Variants in CEP128 observed in about 807,000 individuals in gnomAD.
CEP128 encodes the protein centrosomal protein 128kDa.
In CEP128, 132 loss-of-function variants were observed where a neutral mutation model predicts 156.7. That is an observed-to-expected ratio of 0.84 (90% CI 0.73 to 0.97). The LOEUF is 0.97. Ranked by LOEUF, CEP128 falls within the 50% of genes least tolerant of loss-of-function variation. CEP128 has a pLI of 0.00. For missense variants in CEP128, 1,252 were observed against 1,281.9 expected (o/e 0.98, Z 0.36); for synonymous variants, 469 against 448.9 (o/e 1.04, Z -0.57).
At position 80,840,785 on chromosome 14, in the gene CEP128, G is replaced by A. The variant is rs373997585; in HGVS notation, c.763-17C>T. The A allele has an allele frequency of 2.0e-5, 30 of 1,512,942 alleles. No homozygotes were observed. The African/African-American group carries it at 2.6e-4, about 13-fold the overall frequency. 93.7% of individuals were successfully genotyped at this position (1,512,942 alleles called of 1,614,324 possible). ...CTTTAGTGCCTGGAATGAAAGAGGT[G>A]GAAAAAAATTATCCCAAAATATGTA... On this transcript the variant is annotated splice_polypyrimidine_tract_variant and intron_variant, in intron 9 of 24. Coordinates refer to ENST00000555265, the MANE Select transcript of CEP128 (RefSeq NM_152446.5).
chr14:80,952,459 A>G (rs1385247109), intron 2 of CEP128, among the ~76,000 whole-genome samples: 1 of 152,162 alleles, frequency 6.6e-6, no homozygotes, highest in African/African-American at 2.4e-5. Context: ...ACTGAATACA[A>G]ATGAAATTAC....
intron 2 of CEP128, among the ~76,000 whole-genome samples, chr14:80,957,042 C>G (rs1188057927): frequency 2.6e-5 from 4 of 152,116 alleles, no homozygotes; most frequent in African/African-American, 9.7e-5. Context: ...CAAGTCTTTC[C>G]AACCTCATTG....
At chr14:80,907,778 C>T (rs1883973933) in intron 4 of CEP128, among the ~76,000 whole-genome samples, 1 of 151,586 alleles carries the variant, frequency 6.6e-6, no homozygotes, top group East Asian at 1.9e-4. Context: ...ATAAGTAGAC[C>T]AGAGGTCTTA....
intron 15 of CEP128, among the ~76,000 whole-genome samples, chr14:80,781,117 A>C (rs577040878): frequency 1.3e-5 from 2 of 152,354 alleles, no homozygotes; most frequent in African/African-American, 4.8e-5. Flanking sequence ...AGCAGTCAAA[A>C]GTATGCACAG....
intron 19 of CEP128, among the ~76,000 whole-genome samples, chr14:80,720,122 A>G (rs1041769886): frequency 6.6e-6 from 1 of 151,622 alleles, no homozygotes; most frequent in Non-Finnish European, 1.5e-5. Flanking sequence ...GGTAAACGAG[A>G]TGGGGGCAAA....
At chr14:80,520,417 T>TAAAA (rs1386111212) in intron 23 of CEP128, among the ~76,000 whole-genome samples, 1 of 106,708 alleles carries the variant, frequency 9.4e-6, no homozygotes, top group African/African-American at 2.8e-5. Flanking sequence ...AGATTCCATC[T>TAAAA]AAAAAAACAA....
intron 18 of CEP128, among the ~76,000 whole-genome samples, chr14:80,753,183 T>A (rs1899477360): frequency 6.6e-6 from 1 of 152,198 alleles, no homozygotes; most frequent in South Asian, 2.1e-4. Context: ...AAATATTTAT[T>A]GAACATTTAG....
chr14:80,537,175 T>A (rs1378470598), intron 21 of CEP128, among the ~76,000 whole-genome samples: 1 of 151,798 alleles, frequency 6.6e-6, no homozygotes, highest in African/African-American at 2.4e-5. Context: ...TTCACAGTAT[T>A]TTTTTTTAAG....
intron 2 of CEP128, among the ~76,000 whole-genome samples, chr14:80,933,559 G>A (rs1336013291): frequency 6.6e-6 from 1 of 152,176 alleles, no homozygotes; most frequent in Non-Finnish European, 1.5e-5. Flanking sequence ...GGGGTAGCTT[G>A]ATTTGACCTG....
At chr14:80,852,933 T>TA (rs953494707) in intron 9 of CEP128, among the ~76,000 whole-genome samples, 6 of 151,052 alleles carry the variant, frequency 4.0e-5, no homozygotes, top group African/African-American at 9.7e-5. Context: ...CAGCAATGTA[T>TA]AAAAAAAAAT....
chr14:80,652,799 G>C (rs1187863097), intron 19 of CEP128, among the ~76,000 whole-genome samples: 2 of 152,136 alleles, frequency 1.3e-5, no homozygotes, highest in Non-Finnish European at 2.9e-5. Flanking sequence ...CAAGGATCTA[G>C]AATTAGAAAT....
At chr14:80,654,575 A>G (rs1048033954) in intron 19 of CEP128, among the ~76,000 whole-genome samples, 3 of 152,148 alleles carry the variant, frequency 2.0e-5, no homozygotes, top group Non-Finnish European at 4.4e-5. Flanking sequence ...CACTTATTCA[A>G]TTCCTGTAGT....
intron 19 of CEP128, among the ~76,000 whole-genome samples, chr14:80,700,641 T>G (rs1897044665): frequency 6.6e-6 from 1 of 152,172 alleles, no homozygotes; most frequent in Admixed American, 6.5e-5. Context: ...TCATTCCAAC[T>G]ACCTATCTGA....
intron 19 of CEP128, among the ~76,000 whole-genome samples, chr14:80,611,310 A>C (rs1291759941): frequency 6.6e-6 from 1 of 151,846 alleles, no homozygotes; most frequent in Non-Finnish European, 1.5e-5. Flanking sequence ...CAAACTAGAT[A>C]CCAGCATCAA....
chr14:80,785,028 T>C lies in CEP128; in HGVS notation c.2078A>G (p.His693Arg). ...ITQLKLERDVHQRELKDLTSS... is the reference protein window; with the variant it reads ...ITQLKLERDVRQRELKDLTSS... ...TGTGAGATCTTTCAGCTCCCTCTGG[T>C]GCACATCTCGTTCCAGCTTTAACTG... is the stretch of plus-strand genomic sequence containing the variant. Residue 693 changes from histidine to arginine, a missense_variant, in exon 15 of 25, where the codon CAC becomes CGC. Physicochemically the swap from His to Arg is conservative, Grantham distance 29. Coordinates refer to ENST00000555265, the MANE Select transcript of CEP128 (RefSeq NM_152446.5). 1 of 1,614,228 alleles carries C rather than the reference T, an allele frequency of 6.2e-7. No homozygotes were observed. The highest frequency in any genetic ancestry group is 8.5e-7 in the Non-Finnish European group (1 of 1,180,014).
At chr14:80,558,023 G>A (rs953401712) in intron 21 of CEP128, among the ~76,000 whole-genome samples, 2 of 151,816 alleles carry the variant, frequency 1.3e-5, no homozygotes, top group African/African-American at 4.8e-5. Flanking sequence ...ACTGTTTATG[G>A]TTGCATAGTA....
At chr14:80,721,119 A>G (rs913464730) in intron 19 of CEP128, among the ~76,000 whole-genome samples, 12 of 152,174 alleles carry the variant, frequency 7.9e-5, no homozygotes, top group African/African-American at 1.2e-4. Context: ...CCCTTCTTAC[A>G]TATTGGTATT....
At chr14:80,534,140 C>T (rs1889363782) in intron 21 of CEP128, among the ~76,000 whole-genome samples, 1 of 149,656 alleles carries the variant, frequency 6.7e-6, no homozygotes, top group Non-Finnish European at 1.5e-5. Context: ...TATTTTCTGG[C>T]TCTTCTCTCT....
chr14:80,785,326 C>T lies in CEP128; in HGVS notation c.1780G>A (p.Glu594Lys), dbSNP rs1460947744. ...SLDTIHRLESELKKQSKIQSQ... is the reference protein window; with the variant it reads ...SLDTIHRLESKLKKQSKIQSQ... ...TGGATCTTACTCTGCTTTTTCAATT[C>T]GCTCTCCAGTCTATGGATGGTATCC... The change falls in exon 15 of 25, where the codon GAA (glutamate) becomes AAA (lysine). Residue 594 changes from glutamate to lysine, a missense_variant. Glu to Lys is a moderately conservative substitution (Grantham distance 56). Coordinates refer to ENST00000555265, the MANE Select transcript of CEP128 (RefSeq NM_152446.5). 5.6e-6 allele frequency: 9 copies of T among 1,614,038 alleles called. No individual in the cohort carries two copies. The highest frequency in any genetic ancestry group is 1.1e-5 in the South Asian group (1 of 91,084).
Sources: allele counts gnomAD v4.1 joint callset (sites outside exome capture counted in the v4.1 genomes callset), GRCh38; gene constraint gnomAD v4.1.1; transcripts MANE v1.5; gene names NCBI Gene and HGNC (gene_info 2026-07-23, HGNC 2026-07-21).